NWD2: variants seen among roughly 807,000 people sequenced by gnomAD.
NWD2 encodes the protein NACHT and WD repeat domain containing 2, also known as NACHT and WD repeat domain-containing protein 2.
In NWD2, 37 loss-of-function variants were observed where a neutral mutation model predicts 132.7. The ratio of observed to expected loss-of-function variants is 0.28; its 90% CI spans 0.21 to 0.37. NWD2 has a LOEUF of 0.37. NWD2 is among the 10% of genes least tolerant of loss of function. NWD2 has a pLI of 1.00. For synonymous variants in NWD2, 705 were observed against 803.0 expected, an observed-to-expected ratio of 0.88 and a Z score of 2.06; for missense variants, 1,592 against 2,122.4, an observed-to-expected ratio of 0.75 and a Z score of 4.91.
intron 2 of NWD2, among the ~76,000 whole-genome samples, chr4:37,348,217 G>A (rs1026387831): frequency 3.9e-5 from 6 of 152,102 alleles, no homozygotes; most frequent in Non-Finnish European, 7.4e-5. Flanking sequence ...ATTCTAGTTG[G>A]CTAACTCTAA....
intron 3 of NWD2, among the ~76,000 whole-genome samples, chr4:37,423,007 A>G (rs541050380): frequency 1.3e-5 from 2 of 151,456 alleles, no homozygotes; most frequent in Non-Finnish European, 2.9e-5. Flanking sequence ...GCCCATAGAG[A>G]GATGCCAGTA....
chr4:37,336,963 A>AC (rs993070764), intron 2 of NWD2, among the ~76,000 whole-genome samples: 4 of 151,148 alleles, frequency 2.6e-5, no homozygotes, highest in African/African-American at 9.7e-5. Context: ...AAAAAAAAAA[A>AC]AAAAAAAACA....
chr4:37,324,883 A>G (rs892017042), intron 1 of NWD2, among the ~76,000 whole-genome samples: 8 of 152,172 alleles, frequency 5.3e-5, no homozygotes, highest in African/African-American at 1.9e-4. Flanking sequence ...TTAAATTTTC[A>G]TGGACAGATG....
intron 1 of NWD2, among the ~76,000 whole-genome samples, chr4:37,298,911 A>G (rs910342211): frequency 6.6e-6 from 1 of 152,180 alleles, no homozygotes; most frequent in Non-Finnish European, 1.5e-5. Flanking sequence ...TCTAGGTGAT[A>G]TAGATTGTAT....
chr4:37,400,530 C>T (rs572887915), intron 3 of NWD2, among the ~76,000 whole-genome samples: 3 of 152,186 alleles, frequency 2.0e-5, no homozygotes, highest in Non-Finnish European at 4.4e-5. Context: ...GATTCTTGCC[C>T]ATGTTCAGAA....
intron 1 of NWD2, among the ~76,000 whole-genome samples, chr4:37,291,514 T>G (rs1718358833): frequency 6.6e-6 from 1 of 152,184 alleles, no homozygotes; most frequent in Non-Finnish European, 1.5e-5. Context: ...GTATTGAATA[T>G]TTTATTTGAA....
chr4:37,380,131 G>A (rs374122012), intron 3 of NWD2, among the ~76,000 whole-genome samples: 25 of 152,336 alleles, frequency 1.6e-4, no homozygotes, highest in African/African-American at 5.5e-4. Flanking sequence ...TGAGTTGCAG[G>A]TATTGTTATA....
At chr4:37,310,938 C>T (rs901038893) in intron 1 of NWD2, among the ~76,000 whole-genome samples, 1 of 151,760 alleles carries the variant, frequency 6.6e-6, no homozygotes, top group African/African-American at 2.4e-5. Flanking sequence ...CCAATTTCAT[C>T]CATGTCCCTA....
chr4:37,394,938 G>A (rs938559989), intron 3 of NWD2, among the ~76,000 whole-genome samples: 5 of 150,108 alleles, frequency 3.3e-5, no homozygotes, highest in Admixed American at 2.7e-4. Context: ...TCAGCCTCCC[G>A]AGTAGCTGGG....
At chr4:37,252,132 A>G (rs114354145) in intron 1 of NWD2, among the ~76,000 whole-genome samples, 1,855 of 152,316 alleles carry the variant, frequency 0.012, 45 homozygotes, top group African/African-American at 0.042. Context: ...TCTGCATGAT[A>G]ATCAAATATG....
At chr4:37,254,016 A>G (rs1717453671) in intron 1 of NWD2, among the ~76,000 whole-genome samples, 1 of 152,226 alleles carries the variant, frequency 6.6e-6, no homozygotes, top group African/African-American at 2.4e-5. Context: ...AAGTGGACAC[A>G]TAGAGGGCAA....
intron 2 of NWD2, among the ~76,000 whole-genome samples, chr4:37,353,674 G>T (rs963857338): frequency 1.3e-5 from 2 of 151,824 alleles, no homozygotes; most frequent in Non-Finnish European, 2.9e-5. Flanking sequence ...AAGTTCTCAT[G>T]CTGTGTTTTT....
chr4:37,273,987 T>C (rs549465066), intron 1 of NWD2, among the ~76,000 whole-genome samples: 22 of 152,092 alleles, frequency 1.4e-4, no homozygotes, highest in Non-Finnish European at 2.4e-4. Context: ...AGGAAAGATC[T>C]AAAATTGACA....
chr4:37,322,725 A>G (rs1719094533), intron 1 of NWD2, among the ~76,000 whole-genome samples: 1 of 151,090 alleles, frequency 6.6e-6, no homozygotes, highest in Non-Finnish European at 1.5e-5. Context: ...TCTGGATGAG[A>G]GGTGAGTATG....
intron 1 of NWD2, among the ~76,000 whole-genome samples, chr4:37,275,795 C>T (rs775527630): frequency 8.5e-5 from 13 of 152,062 alleles, no homozygotes; most frequent in Middle Eastern, 6.3e-3. Flanking sequence ...AGTAAGGCCA[C>T]GTATCTACAA....
At chr4:37,334,944 C>T (rs75350297) in intron 2 of NWD2, among the ~76,000 whole-genome samples, 4,821 of 152,172 alleles carry the variant, frequency 0.032, 232 homozygotes, top group African/African-American at 0.11. Context: ...TCTGTATTAC[C>T]GTTACCTTGA....
rs1210407205 is a variant in NWD2, at chr4:37,445,146, A to G, written c.3158A>G (p.Lys1053Arg). 2.6e-6 allele frequency: 4 copies of G among 1,552,134 alleles called. No individual in the cohort carries two copies. The highest frequency in any genetic ancestry group is 2.4e-5 in the East Asian group (1 of 40,924). Residue 1053 changes from lysine to arginine, a missense_variant, in exon 7 of 7, where the codon AAG (lysine) becomes AGG (arginine). Transcript: ENST00000309447. This position sits in a 1 kb window ranked among gnomAD's most constrained non-coding sequence, Gnocchi z 4.7. ...TCTGAAGTAGAAATCAAGGGGACCA[A>G]GCATGGAAGCAGCGCCACCTACATC... ...LLSEVEIKGTKHGSSATYING... is the reference protein window; with the variant it reads ...LLSEVEIKGTRHGSSATYING...
chr4:37,325,370 A>C (rs970144340), intron 1 of NWD2, among the ~76,000 whole-genome samples: 1 of 152,134 alleles, frequency 6.6e-6, no homozygotes, highest in African/African-American at 2.4e-5. Flanking sequence ...TTATTAAACC[A>C]CTGGCCAATT....
At chr4:37,319,665 G>C (rs1364314699) in intron 1 of NWD2, among the ~76,000 whole-genome samples, 1 of 152,040 alleles carries the variant, frequency 6.6e-6, no homozygotes, top group Non-Finnish European at 1.5e-5. Context: ...TGAAAGATAG[G>C]GGTACAGTTT....
Sources: allele counts gnomAD v4.1 joint callset (sites outside exome capture counted in the v4.1 genomes callset), GRCh38; gene constraint gnomAD v4.1.1; non-coding constraint Gnocchi (gnomAD v3.1); transcripts MANE v1.5; gene names NCBI Gene and HGNC (gene_info 2026-07-23, HGNC 2026-07-21).